LRPAP1: variants seen among roughly 807,000 people sequenced by gnomAD.
The protein encoded by LRPAP1 is alpha-2-macroglobulin receptor-associated protein.
A neutral mutation model predicts 39.9 loss-of-function variants in LRPAP1; 41 were observed. The observed-to-expected ratio is 1.03, with a 90% CI of 0.80 to 1.33. The LOEUF (loss-of-function observed/expected upper bound fraction) is 1.33, where lower values mean the gene tolerates loss of function less well. Ranked by LOEUF, LRPAP1 falls within the 40% of genes most tolerant of loss-of-function variation. The pLI is 0.00. For synonymous variants in LRPAP1, 263 were observed against 212.7 expected, an observed-to-expected ratio of 1.24 and a Z score of -2.06; for missense variants, 565 against 482.3, an observed-to-expected ratio of 1.17 and a Z score of -1.61.
chr4:3,515,075 G>T, intron 6 of LRPAP1, 147 bp from the exon 7 acceptor site: 1 of 854,800 alleles, frequency 1.2e-6, no homozygotes, highest in Non-Finnish European at 1.8e-6. Flanking sequence ...TGAGGGGGCG[G>T]CAGCTGGGAG....
chr4:3,518,630 C>T (rs1182073210), intron 4 of LRPAP1, among the ~76,000 whole-genome samples: 3 of 152,042 alleles, frequency 2.0e-5, no homozygotes, highest in Admixed American at 6.5e-5. Context: ...GGGCAGGCGC[C>T]GGTGAGACTT....
chr4:3,527,979 C>T (rs370242483), intron 1 of LRPAP1, among the ~76,000 whole-genome samples: 3 of 152,188 alleles, frequency 2.0e-5, no homozygotes, highest in Non-Finnish European at 4.4e-5. Context: ...AATTTCACAC[C>T]GCATGTCTCA....
In LRPAP1 at chr4:3,512,730, G is replaced by A. The variant is rs1352844966; in HGVS notation, c.*244C>T. ...TCACTGGGGTGGTGACTGCCACGCT[G>A]ATGCTGAGTGGAAGCCAAGCCCCTT... On this transcript the variant is annotated 3_prime_UTR_variant, in exon 8 of 8. Coordinates refer to ENST00000650182, the MANE Select transcript of LRPAP1 (RefSeq NM_002337.4). The A allele has an allele frequency of 7.5e-6, 4 of 535,566 alleles. No homozygotes were observed. In the East Asian group the frequency reaches 1.2e-4, roughly 16 times the overall value. The allele number at this position is 535,566 out of a possible 1,614,324, so 33.2% of individuals were successfully genotyped here. A position where few individuals can be genotyped will look rare whatever the true frequency, so the allele number is the denominator to read the frequency against.
At position 3,505,058 on chromosome 4, in the gene LRPAP1, G is replaced by A. The variant is rs1407131878; in HGVS notation, c.*7916C>T. Among the ~76,000 whole-genome samples the A allele has an allele frequency of 6.6e-6, 1 of 152,186 alleles. No homozygotes were observed. Among genetic ancestry groups the A allele is most frequent in the Admixed American group, 6.5e-5 (1 of 15,288 alleles). On this transcript the variant is annotated 3_prime_UTR_variant, in exon 8 of 8. Transcript: ENST00000650182. Reference sequence around the variant, plus strand: ...TTTAGGGATGGTTAGTGATACCAGAGGCTAAAATAATCATGTGCCCTACCA... The same window carrying A: ...TTTAGGGATGGTTAGTGATACCAGAAGCTAAAATAATCATGTGCCCTACCA...
At chr4:3,529,174 T>C in intron 1 of LRPAP1, among the ~76,000 whole-genome samples, 1 of 151,740 alleles carries the variant, frequency 6.6e-6, no homozygotes, top group Non-Finnish European at 1.5e-5. Context: ...AATATAAAAA[T>C]TAGCCAGGCA....
rs1439035862 is a variant in LRPAP1, at chr4:3,509,217, A to C, written c.*3757T>G. ...CATACATGGCAGTCAACGCATGGAC[A>C]CCGGAGACTGTTGAGACGCCGACTG... is the stretch of plus-strand genomic sequence containing the variant. On this transcript the variant is annotated 3_prime_UTR_variant, in exon 8 of 8. Transcript: ENST00000650182. The C allele has an allele frequency of 6.6e-6, 1 of 152,218 alleles. No homozygotes were observed. The highest frequency in any genetic ancestry group is 2.4e-5 in the African/African-American group (1 of 41,436). 9.4% of individuals were successfully genotyped at this position (152,218 alleles called of 1,614,324 possible).
chr4:3,524,969 A>G lies in LRPAP1; in HGVS notation c.287T>C (p.Leu96Pro), dbSNP rs766207464. The G allele has an allele frequency of 6.2e-7, 1 of 1,614,130 alleles. No homozygotes were observed. Among genetic ancestry groups the G allele is most frequent in the Non-Finnish European group, 8.5e-7 (1 of 1,180,022 alleles). The stretch of plus-strand genomic sequence containing the variant: ...ATCTTCGTCCAAGCCGTCAAGCTTT[A>G]GTTTCTTCCAGGCGAGTTCGTCCCT... ...QERDELAWKK[L>P]KLDGLDEDGE... Residue 96 changes from leucine to proline, a missense_variant, in exon 2 of 8, where the codon CTA (leucine) becomes CCA (proline). Coordinates refer to ENST00000650182, the MANE Select transcript of LRPAP1 (RefSeq NM_002337.4).
intron 4 of LRPAP1, 65 bp from the exon 5 acceptor site, chr4:3,518,257 T>A: frequency 6.6e-7 from 1 of 1,518,532 alleles, no homozygotes; most frequent in Non-Finnish European, 8.9e-7. Context: ...CAGACCACTG[T>A]CTAGAACGCC....
intron 4 of LRPAP1, 25 bp from the exon 5 acceptor site, chr4:3,518,217 A>G (rs1183024376): frequency 1.2e-6 from 2 of 1,600,380 alleles, no homozygotes; most frequent in African/African-American, 1.3e-5. Context: ...GCAGGACGCC[A>G]TGAGGCTGGG....
In LRPAP1 at chr4:3,507,000, T is replaced by G. The variant is rs184559590; in HGVS notation, c.*5974A>C. The stretch of plus-strand genomic sequence containing the variant: ...GCGAGGTGGAGGCAGGTGAATCACT[T>G]GAGACCAGGACTCCGAGACCAGCCT... On this transcript the variant is annotated 3_prime_UTR_variant, in exon 8 of 8. Transcript: ENST00000650182. 1 of 152,322 alleles carries G rather than the reference T, an allele frequency of 6.6e-6. No homozygotes were observed. Among genetic ancestry groups the G allele is most frequent in the African/African-American group, 2.4e-5 (1 of 41,562 alleles). 9.4% of individuals were successfully genotyped at this position (152,322 alleles called of 1,614,324 possible).
In LRPAP1 at chr4:3,524,918, C is replaced by T. The variant is rs11549516; in HGVS notation, c.338G>A (p.Arg113His). 0.037 allele frequency: 59,366 copies of T among 1,614,162 alleles called. 1,356 individuals carry two copies. The highest frequency in any genetic ancestry group is 0.084 in the Admixed American group (5,037 of 60,034). The change falls in exon 2 of 8, where the codon CGC (arginine) becomes CAC (histidine). Residue 113 changes from arginine (R) to histidine (H), a missense_variant. Transcript: ENST00000650182. Reference sequence around the variant, plus strand: ...AGAAACAAACGTACCATTGAGGTTGCGTATGAGTCTCGCTTCCTTCTCCCC... The same window carrying T: ...AGAAACAAACGTACCATTGAGGTTGTGTATGAGTCTCGCTTCCTTCTCCCC... ...EDGEKEARLI[R>H]NLNVILAKYG...
intron 3 of LRPAP1, 145 bp from the exon 4 acceptor site, chr4:3,519,136 A>G (rs1489872795): frequency 7.3e-7 from 1 of 1,366,844 alleles, no homozygotes; most frequent in Non-Finnish European, 9.8e-7. Flanking sequence ...AGGGCAGGAA[A>G]ACAAAAAACA....
At chr4:3,515,787 G>A (rs909376577) in intron 6 of LRPAP1, 28 of 383,516 alleles carry the variant, frequency 7.3e-5, no homozygotes, top group Non-Finnish European at 1.3e-4. Flanking sequence ...GATCCCGGTA[G>A]TGTCCTTGGT....
At chr4:3,521,591 C>T (rs1396595392) in intron 2 of LRPAP1, among the ~76,000 whole-genome samples, 2 of 152,344 alleles carry the variant, frequency 1.3e-5, no homozygotes, top group Non-Finnish European at 2.9e-5. Context: ...TCCTGTCTCA[C>T]TCTGTCCGGA....
chr4:3,518,202 C>G lies in LRPAP1; in HGVS notation c.593-10G>C. The G allele has an allele frequency of 6.2e-7, 1 of 1,605,654 alleles. No homozygotes were observed. Among genetic ancestry groups the G allele is most frequent in the Non-Finnish European group, 8.5e-7 (1 of 1,174,212 alleles). ...ACGTTCTCGTGGATTTCTGTAAAACCGAAGGCAGGACGCCATGAGGCTGGG... is the reference window on the plus strand; with the variant it reads ...ACGTTCTCGTGGATTTCTGTAAAACGGAAGGCAGGACGCCATGAGGCTGGG... On this transcript the variant is annotated splice_polypyrimidine_tract_variant and intron_variant, in intron 4 of 7. Coordinates refer to ENST00000650182, the MANE Select transcript of LRPAP1 (RefSeq NM_002337.4).
chr4:3,514,994 G>T, intron 6 of LRPAP1, 66 bp from the exon 7 acceptor site: 1 of 1,567,538 alleles, frequency 6.4e-7, no homozygotes. Flanking sequence ...TGTGGTCCCG[G>T]GTGAACTGCA....
intron 2 of LRPAP1, among the ~76,000 whole-genome samples, chr4:3,521,360 G>A (rs774440155): frequency 5.3e-5 from 8 of 152,046 alleles, no homozygotes; most frequent in Admixed American, 4.6e-4. Flanking sequence ...GGTGACTCCC[G>A]GACCCCAGCG....
chr4:3,518,107 C>A lies in LRPAP1; in HGVS notation c.678G>T (p.Glu226Asp). 6.2e-7 allele frequency: 1 copy of A among 1,613,596 alleles called. No homozygotes were observed. The highest frequency in any genetic ancestry group is 1.1e-5 in the South Asian group (1 of 91,084). The change falls in exon 5 of 8, where the codon GAG (glutamate) becomes GAT (aspartate). Residue 226 changes from glutamate to aspartate, a missense_variant. Coordinates refer to ENST00000650182, the MANE Select transcript of LRPAP1 (RefSeq NM_002337.4). ...GGCCCTGGTTGATGCTGCGCAGCTT[C>A]TCCTTCAGCTCCGTGTGCCTGCTGT... ...VLHSRHTELK[E>D]KLRSINQGLD... is the part of the protein sequence containing the mutation.
Position 3,505,128 on chromosome 4 carries a change from T to C in LRPAP1, c.*7846A>G, listed in dbSNP as rs998784842. Among the ~76,000 whole-genome samples the C allele has an allele frequency of 2.0e-5, 3 of 152,264 alleles. No individual in the cohort carries two copies. Among genetic ancestry groups the C allele is most frequent in the Admixed American group, 1.3e-4 (2 of 15,308 alleles). ...CCGGGTCCTGCCACGCACGCAGCCA[T>C]AGTGGGCTGGCTAAGCTGCAGGTTG... On this transcript the variant is annotated 3_prime_UTR_variant, in exon 8 of 8. Coordinates refer to ENST00000650182, the MANE Select transcript of LRPAP1 (RefSeq NM_002337.4).
Sources: allele counts gnomAD v4.1 joint callset (sites outside exome capture counted in the v4.1 genomes callset), GRCh38; gene constraint gnomAD v4.1.1; transcripts MANE v1.5; gene names NCBI Gene and HGNC (gene_info 2026-07-23, HGNC 2026-07-21).